Variants in AFDN observed in about 807,000 individuals in gnomAD.
AFDN encodes afadin, adherens junction formation factor.
In AFDN, 68 loss-of-function variants were observed where a neutral mutation model predicts 216.6. The observed-to-expected ratio is 0.31, with a 90% CI of 0.26 to 0.38. The LOEUF is 0.38. Among genes scored for constraint, AFDN ranks in the 10% least tolerant of loss-of-function variants. The pLI is 1.00. For synonymous variants in AFDN, 868 were observed against 853.7 expected (o/e 1.02, Z -0.29); for missense variants, 2,136 against 2,342.0 (o/e 0.91, Z 1.82).
At chr6:167,969,591 G>A (rs1341081859) in intron 33 of AFDN, among the ~76,000 whole-genome samples, 191 bp from the exon 34 acceptor site, 1 of 152,178 alleles carries the variant, frequency 6.6e-6, no homozygotes, top group Admixed American at 6.5e-5. Context: ...TTGTAGCCAA[G>A]AGAACATGTT....
At position 167,962,322 on chromosome 6, in the gene AFDN, TTC is replaced by T. The variant is rs1258076027; in HGVS notation, c.4834-109_4834-108del. Reference sequence around the variant, plus strand: ...TTAACCTGGTATTTTATATTTAACTTTCTGTGTGTGTGTGTTTGTGTATATGT... The same window carrying T: ...TTAACCTGGTATTTTATATTTAACTTTGTGTGTGTGTGTTTGTGTATATGT... On this transcript the variant is annotated intron_variant, in intron 30 of 33. Transcript: ENST00000683244. This position sits in a 1 kb window ranked among gnomAD's most constrained non-coding sequence, Gnocchi z 5.2. 3 of 1,364,176 alleles carry T rather than the reference TTC, an allele frequency of 2.2e-6. No homozygotes were observed. The highest frequency in any genetic ancestry group is 2.0e-6 in the Non-Finnish European group (2 of 1,023,422). The allele number at this position is 1,364,176 out of a possible 1,614,324, so 84.5% of individuals were successfully genotyped here.
chr6:167,907,402 G>C (rs1288058322), intron 13 of AFDN, 113 bp downstream of exon 13: 6 of 790,540 alleles, frequency 7.6e-6, no homozygotes, highest in African/African-American at 3.5e-5. Context: ...TACAATGTTA[G>C]CAATAATATT....
chr6:167,847,525 G>A (rs1455579798), intron 1 of AFDN, among the ~76,000 whole-genome samples: 1 of 152,140 alleles, frequency 6.6e-6, no homozygotes, highest in African/African-American at 2.4e-5. Flanking sequence ...GTGAACAGCA[G>A]CTCACTTTAC....
At position 167,951,599 on chromosome 6, in the gene AFDN, A is replaced by T; in HGVS notation, c.4245A>T (p.Glu1415Asp). 2.5e-6 allele frequency: 4 copies of T among 1,614,122 alleles called. No individual in the cohort carries two copies. Among genetic ancestry groups the T allele is most frequent in the Non-Finnish European group, 3.4e-6 (4 of 1,180,016 alleles). ...GLPSAQVAAAERRKREEHQRW... is the reference protein window; with the variant it reads ...GLPSAQVAAADRRKREEHQRW... ...CGTCTGCGCAGGTGGCTGCTGCTGA[A>T]CGGAGAAAGAGAGAAGAACATCAGC... Residue 1415 changes from glutamate to aspartate, a missense_variant, in exon 30 of 34, where the codon GAA becomes GAT. By Grantham distance (45) the Glu-to-Asp change is conservative. Transcript: ENST00000683244. This position sits in a 1 kb window ranked among gnomAD's most constrained non-coding sequence, Gnocchi z 7.1.
intron 15 of AFDN, 200 bp downstream of exon 15, chr6:167,911,689 TAAA>T (rs1790417554): frequency 3.5e-6 from 2 of 574,894 alleles, no homozygotes; most frequent in African/African-American, 1.9e-5. Context: ...GTTTTCCCTG[TAAA>T]ACTTCAGCAT....
intron 23 of AFDN, chr6:167,932,872 A>G (rs1280170174): frequency 6.6e-6 from 1 of 152,252 alleles, no homozygotes. Flanking sequence ...TAACTTGCTC[A>G]TGAAGCAACA....
intron 27 of AFDN, among the ~76,000 whole-genome samples, chr6:167,947,239 G>C (rs543623192): frequency 3.2e-4 from 48 of 151,862 alleles, no homozygotes; most frequent in African/African-American, 1.2e-3. Context: ...CAGTGCAGTG[G>C]CGCGATCTCG....
intron 25 of AFDN, 101 bp downstream of exon 25, chr6:167,943,576 T>A: frequency 1.1e-6 from 1 of 900,560 alleles, no homozygotes. Context: ...TAAAACGTGC[T>A]CATATTACTC....
chr6:167,908,599 A>G (rs1005969661), intron 13 of AFDN, among the ~76,000 whole-genome samples: 1 of 152,196 alleles, frequency 6.6e-6, no homozygotes, highest in Non-Finnish European at 1.5e-5. Context: ...ATGAATTCGC[A>G]CGAGGGAGTG....
rs756842839 is a variant in AFDN, at chr6:167,925,141, G to C, written c.3099+50G>C. On this transcript the variant is annotated intron_variant, in intron 23 of 33. Transcript: ENST00000683244. ...TTGTTCTCTCCAGTCTTTCGGCATT[G>C]AATCAGTGGTTGTCAGAGTGGATCG... is the stretch of plus-strand genomic sequence containing the variant. The C allele has an allele frequency of 1.1e-5, 14 of 1,325,500 alleles. No homozygotes were observed. The South Asian group carries it at 1.3e-4, about 12-fold the overall frequency. The allele number at this position is 1,325,500 out of a possible 1,614,324, so 82.1% of individuals were successfully genotyped here.
chr6:167,893,944 A>C (rs1418301263), intron 9 of AFDN, 38 bp downstream of exon 9: 4 of 1,449,966 alleles, frequency 2.8e-6, no homozygotes, highest in Non-Finnish European at 3.8e-6. Flanking sequence ...TAACTAAAGC[A>C]CTAATAGAAC....
intron 16 of AFDN, chr6:167,913,853 A>G: frequency 2.3e-6 from 1 of 435,070 alleles, no homozygotes; most frequent in Non-Finnish European, 4.1e-6. Flanking sequence ...AGACTACCAG[A>G]TAATGCACGG....
At chr6:167,834,911 G>A (rs759174272) in intron 1 of AFDN, among the ~76,000 whole-genome samples, 4 of 152,122 alleles carry the variant, frequency 2.6e-5, no homozygotes. Flanking sequence ...GAGCCCAGGA[G>A]GTCAAGGCTG....
At chr6:167,843,152 T>G (rs558642622) in intron 1 of AFDN, among the ~76,000 whole-genome samples, 2 of 152,304 alleles carry the variant, frequency 1.3e-5, no homozygotes, top group South Asian at 4.1e-4. Flanking sequence ...TTAGCCTATG[T>G]GCAAATATTA....
At chr6:167,844,866 T>TTTTTTTTTG (rs1399027374) in intron 1 of AFDN, among the ~76,000 whole-genome samples, 2 of 136,000 alleles carry the variant, frequency 1.5e-5, no homozygotes, top group Non-Finnish European at 3.1e-5. Flanking sequence ...TTTTTTTTTT[T>TTTTTTTTTG]TTTTGGTTTT....
intron 32 of AFDN, 146 bp downstream of exon 32, chr6:167,966,191 C>A (rs774538310): frequency 1.3e-6 from 2 of 1,534,392 alleles, no homozygotes; most frequent in Non-Finnish European, 1.7e-6. Flanking sequence ...CAGCCAAAGC[C>A]AACAGTACTG....
intron 17 of AFDN, 48 bp downstream of exon 17, chr6:167,914,361 A>G (rs1275589725): frequency 6.3e-7 from 1 of 1,582,226 alleles, no homozygotes; most frequent in Admixed American, 1.8e-5. Context: ...TAATTAAGTC[A>G]TTTGTTTTCT....
chr6:167,967,600 G>C (rs1301392164), intron 32 of AFDN, among the ~76,000 whole-genome samples: 1 of 152,104 alleles, frequency 6.6e-6, no homozygotes, highest in African/African-American at 2.4e-5. Context: ...GAAATGTGAG[G>C]TTTGGTAGCC....
At chr6:167,896,513 G>A (rs996240689) in intron 9 of AFDN, among the ~76,000 whole-genome samples, 1 of 152,192 alleles carries the variant, frequency 6.6e-6, no homozygotes, top group Non-Finnish European at 1.5e-5. Flanking sequence ...GAAAGATCTG[G>A]TCCGAAGGGA....
Sources: allele counts gnomAD v4.1 joint callset (sites outside exome capture counted in the v4.1 genomes callset), GRCh38; gene constraint gnomAD v4.1.1; non-coding constraint Gnocchi (gnomAD v3.1); transcripts MANE v1.5; gene names NCBI Gene and HGNC (gene_info 2026-07-23, HGNC 2026-07-21).